Variants in GFM2 observed in about 807,000 individuals in gnomAD.
GFM2 encodes GTP dependent ribosome recycling factor mitochondrial 2.
In GFM2, 72 loss-of-function variants were observed where a neutral mutation model predicts 95.4. The ratio of observed to expected loss-of-function variants is 0.76; its 90% CI spans 0.62 to 0.92. GFM2 has a LOEUF of 0.92. GFM2 is among the 40% of genes least tolerant of loss of function. The pLI is 0.00. For missense variants in GFM2, 825 were observed against 924.1 expected (o/e 0.89, Z 1.39); for synonymous variants, 276 against 317.5 (o/e 0.87, Z 1.39).
chr5:74,730,779 TAAGAGGAGG>T (rs1247638040), intron 16 of GFM2: 2 of 156,236 alleles, frequency 1.3e-5, no homozygotes, highest in African/African-American at 4.8e-5. Flanking sequence ...GTGGTGCCTA[TAAGAGGAGG>T]GTAAAGCCCC....
In GFM2 at chr5:74,738,562, C is replaced by A; in HGVS notation, c.1160G>T (p.Arg387Leu). ...DKQRGPLVFMRIYSGTIKPQL... is the reference protein window; with the variant it reads ...DKQRGPLVFMLIYSGTIKPQL... ...GGGTTTTATAGTGCCTGAGTAAATG[C>A]GCATAAAAACCAGTGGTCCTCGCTG... The change falls in exon 13 of 21, where the codon CGC becomes CTC. Residue 387 changes from arginine to leucine, a missense_variant. Arg to Leu is a moderately radical substitution (Grantham distance 102). Coordinates refer to ENST00000296805, the MANE Select transcript of GFM2 (RefSeq NM_032380.5). The A allele has an allele frequency of 1.2e-6, 2 of 1,613,540 alleles. No homozygotes were observed. Among genetic ancestry groups the A allele is most frequent in the South Asian group, 1.1e-5 (1 of 91,054 alleles).
At chr5:74,738,683 T>G (rs778605094) in intron 12 of GFM2, 41 bp from the exon 13 acceptor site, 4 of 1,561,736 alleles carry the variant, frequency 2.6e-6, no homozygotes, top group South Asian at 2.4e-5. Flanking sequence ...AAAATACACT[T>G]CCCATAACTG....
At chr5:74,737,260 T>C (rs891561056) in intron 14 of GFM2, among the ~76,000 whole-genome samples, 2 of 152,132 alleles carry the variant, frequency 1.3e-5, no homozygotes, top group Non-Finnish European at 1.5e-5. Context: ...AAAACAAATG[T>C]ACCTTCCTAA....
chr5:74,729,678 CTTTTTTT>C (rs35280586), intron 17 of GFM2, among the ~76,000 whole-genome samples: 2 of 134,850 alleles, frequency 1.5e-5, no homozygotes, highest in Non-Finnish European at 3.3e-5. Context: ...TCCTAAACGT[CTTTTTTT>C]TTTTTTTTTT....
At chr5:74,753,712 G>A (rs543118390) in intron 5 of GFM2, among the ~76,000 whole-genome samples, 2 of 152,232 alleles carry the variant, frequency 1.3e-5, no homozygotes, top group South Asian at 4.1e-4. Context: ...AAGAAGTTTG[G>A]GATTATGTGA....
At chr5:74,742,935 G>C (rs576514229) in intron 10 of GFM2, among the ~76,000 whole-genome samples, 21 of 152,214 alleles carry the variant, frequency 1.4e-4, no homozygotes, top group African/African-American at 4.6e-4. Flanking sequence ...CCAAAGTGCT[G>C]GGATTACAGG....
At chr5:74,722,672 G>T (rs551162666) in intron 19 of GFM2, 111 bp from the exon 20 acceptor site, 18 of 794,054 alleles carry the variant, frequency 2.3e-5, no homozygotes, top group Non-Finnish European at 3.1e-5. Flanking sequence ...TCTCTTTAAA[G>T]ATAACGTTTT....
At chr5:74,754,728 C>T (rs1010397264) in intron 5 of GFM2, among the ~76,000 whole-genome samples, 2 of 152,050 alleles carry the variant, frequency 1.3e-5, no homozygotes, top group East Asian at 1.9e-4. Context: ...TACTACTAGA[C>T]CTAAGAAATG....
chr5:74,748,790 G>A (rs904791833), intron 7 of GFM2, among the ~76,000 whole-genome samples: 2 of 150,768 alleles, frequency 1.3e-5, no homozygotes, highest in South Asian at 2.1e-4. Context: ...GCTTGAACCC[G>A]GGAGACAGAG....
intron 12 of GFM2, 134 bp from the exon 13 acceptor site, chr5:74,738,776 A>G: frequency 1.4e-6 from 1 of 724,444 alleles, no homozygotes; most frequent in Non-Finnish European, 2.1e-6. Context: ...TGTCTTTGTT[A>G]CGTAACTCTC....
At position 74,745,697 on chromosome 5, in the gene GFM2, C is replaced by G. The variant is rs771161706; in HGVS notation, c.830G>C (p.Arg277Thr). 6.2e-7 allele frequency: 1 copy of G among 1,611,886 alleles called. No individual in the cohort carries two copies. Among genetic ancestry groups the G allele is most frequent in the Non-Finnish European group, 8.5e-7 (1 of 1,179,068 alleles). Residue 277 changes from arginine to threonine, a missense_variant, in exon 10 of 21, where the codon AGG becomes ACG. Arg to Thr is a moderately conservative substitution (Grantham distance 71). Transcript: ENST00000296805. ...CTTTACTTGTTCAATTAAGGCATTC[C>G]TTGCTTCAGTTGTTTCCTTCAGCAA... Reference protein sequence around the residue: ...PELLKETTEARNALIEQVADL... With the variant: ...PELLKETTEATNALIEQVADL...
At chr5:74,738,279 T>G in intron 14 of GFM2, 39 bp downstream of exon 14, 1 of 1,479,184 alleles carries the variant, frequency 6.8e-7, no homozygotes, top group Non-Finnish European at 9.3e-7. Context: ...ATTAAATATT[T>G]AAGCTGTTAT....
intron 11 of GFM2, among the ~76,000 whole-genome samples, 184 bp from the exon 12 acceptor site, chr5:74,740,321 T>C (rs1561246617): frequency 6.6e-6 from 1 of 152,160 alleles, no homozygotes; most frequent in Non-Finnish European, 1.5e-5. Context: ...AGTTTATCTG[T>C]CTCCTATTCG....
chr5:74,754,195 C>G (rs1743858919), intron 5 of GFM2, among the ~76,000 whole-genome samples: 2 of 151,568 alleles, frequency 1.3e-5, no homozygotes, highest in South Asian at 4.2e-4. Context: ...GCCAGCACTA[C>G]AAGAACTACT....
chr5:74,721,243 T>C lies in GFM2; in HGVS notation c.*412A>G. The C allele has an allele frequency of 1.6e-6, 2 of 1,231,446 alleles. No individual in the cohort carries two copies. The highest frequency in any genetic ancestry group is 2.4e-6 in the Non-Finnish European group (2 of 833,562). 76.3% of individuals were successfully genotyped at this position (1,231,446 alleles called of 1,614,324 possible). A position where few individuals can be genotyped will look rare whatever the true frequency, so the allele number is the denominator to read the frequency against. ...AACTTTATTTTGAAATCATGTAAAATAAGATATTAGACTGTTTTTTGAATA... is the reference window on the plus strand; with the variant it reads ...AACTTTATTTTGAAATCATGTAAAACAAGATATTAGACTGTTTTTTGAATA... On this transcript the variant is annotated 3_prime_UTR_variant, in exon 21 of 21. Coordinates refer to ENST00000296805, the MANE Select transcript of GFM2 (RefSeq NM_032380.5).
Position 74,750,792 on chromosome 5 carries a change from T to C in GFM2, c.431-125A>G, listed in dbSNP as rs566075776. 64 of 656,738 alleles carry C rather than the reference T, an allele frequency of 9.7e-5. No individual in the cohort carries two copies. In the South Asian group the frequency reaches 1.1e-3, roughly 11 times the overall value. The allele number at this position is 656,738 out of a possible 1,614,324, so 40.7% of individuals were successfully genotyped here. On this transcript the variant is annotated intron_variant, in intron 6 of 20. Coordinates refer to ENST00000296805, the MANE Select transcript of GFM2 (RefSeq NM_032380.5). ...ATATATGTGTATATATATAAAGGTA[T>C]TGAAAGCAGAGTCTCAGAGCTATTT...
intron 5 of GFM2, among the ~76,000 whole-genome samples, chr5:74,752,189 A>G (rs1485604250): frequency 3.9e-5 from 6 of 152,212 alleles, no homozygotes; most frequent in Non-Finnish European, 8.8e-5. Flanking sequence ...TCACAAAAAA[A>G]CTATCCTGAA....
chr5:74,750,502 T>A, intron 7 of GFM2, 77 bp downstream of exon 7: 1 of 952,522 alleles, frequency 1.0e-6, no homozygotes, highest in Non-Finnish European at 1.6e-6. Context: ...ATGGTTACAG[T>A]TAACTAAATT....
At chr5:74,745,892 ATCAC>A in intron 9 of GFM2, 35 bp from the exon 10 acceptor site, 1 of 1,524,170 alleles carries the variant, frequency 6.6e-7, no homozygotes. Context: ...TTATTACATG[ATCAC>A]TCACTGAAAA....
Sources: allele counts gnomAD v4.1 joint callset (sites outside exome capture counted in the v4.1 genomes callset), GRCh38; gene constraint gnomAD v4.1.1; transcripts MANE v1.5; gene names NCBI Gene and HGNC (gene_info 2026-07-23, HGNC 2026-07-21).